Variants in PCDHGA5 observed in about 807,000 individuals in gnomAD.
PCDHGA5 encodes the protein protocadherin gamma-A5.
Under a neutral mutation model 56.7 loss-of-function variants are expected in PCDHGA5, and 36 were observed. That is an observed-to-expected ratio of 0.64 (90% CI 0.49 to 0.84). PCDHGA5 has a LOEUF of 0.84. PCDHGA5 is among the 40% of genes least tolerant of loss of function. The pLI is 0.00. For synonymous variants in PCDHGA5, 563 were observed against 520.2 expected (o/e 1.08, Z -1.12); for missense variants, 1,305 against 1,201.5 (o/e 1.09, Z -1.27).
At chr5:141,492,265 G>C (rs1363279754) in intron 1 of PCDHGA5, among the ~76,000 whole-genome samples, 1 of 152,180 alleles carries the variant, frequency 6.6e-6, no homozygotes, top group Non-Finnish European at 1.5e-5. Flanking sequence ...CAAGTTGCAC[G>C]GGCTCGCCAC....
At chr5:141,434,693 T>C (rs2097710124) in intron 1 of PCDHGA5, among the ~76,000 whole-genome samples, 1 of 152,034 alleles carries the variant, frequency 6.6e-6, no homozygotes, top group Non-Finnish European at 1.5e-5. Context: ...TTGCTGTTAA[T>C]AAATATGTGG....
At chr5:141,417,712 C>T in intron 1 of PCDHGA5, 1 of 1,270,436 alleles carries the variant, frequency 7.9e-7, no homozygotes, top group Non-Finnish European at 1.1e-6. Context: ...ACAGAGGCTC[C>T]CGGCTGCGCA....
chr5:141,475,867 G>A (rs2099377217), intron 1 of PCDHGA5: 1 of 504,884 alleles, frequency 2.0e-6, no homozygotes, highest in Non-Finnish European at 3.5e-6. Flanking sequence ...CTCATTCTTC[G>A]TGCAGTTATT....
intron 1 of PCDHGA5, chr5:141,423,956 A>G: frequency 1.7e-6 from 2 of 1,182,724 alleles, no homozygotes; most frequent in Non-Finnish European, 2.1e-6. Flanking sequence ...TTTTAGTATT[A>G]TTTTTCTATT....
chr5:141,473,857 G>A (rs981688765), intron 1 of PCDHGA5, among the ~76,000 whole-genome samples: 1 of 152,164 alleles, frequency 6.6e-6, no homozygotes, highest in Non-Finnish European at 1.5e-5. Context: ...GATGAACCTC[G>A]CTATTGTGGA....
At chr5:141,482,235 T>C (rs2099554999) in intron 1 of PCDHGA5, among the ~76,000 whole-genome samples, 1 of 152,174 alleles carries the variant, frequency 6.6e-6, no homozygotes, top group Non-Finnish European at 1.5e-5. Context: ...AAATTGCCAA[T>C]ATAAGTATAG....
chr5:141,485,609 G>T lies in PCDHGA5; in HGVS notation c.2422-9198G>T. On this transcript the variant is annotated intron_variant, in intron 1 of 3. Coordinates refer to ENST00000518069, the MANE Select transcript of PCDHGA5 (RefSeq NM_018918.3). The surrounding 1 kb of genome is among the most constrained non-coding windows in gnomAD (Gnocchi z 5.7). ...GCTGGACTTGGAAATTGGGGAGGCA[G>T]CTCCTCCAGGACAGCGTTTCCCGTT... The T allele has an allele frequency of 6.2e-7, 1 of 1,612,256 alleles. No homozygotes were observed. Among genetic ancestry groups the T allele is most frequent in the Non-Finnish European group, 8.5e-7 (1 of 1,178,656 alleles).
intron 1 of PCDHGA5, chr5:141,403,315 A>G (rs1268267002): frequency 6.2e-7 from 1 of 1,613,974 alleles, no homozygotes; most frequent in Non-Finnish European, 8.5e-7. Flanking sequence ...GAATAGAAAT[A>G]GAAGTAACTG....
At chr5:141,403,704 T>C (rs1207597755) in intron 1 of PCDHGA5, 2 of 1,613,846 alleles carry the variant, frequency 1.2e-6, no homozygotes, top group East Asian at 4.5e-5. Context: ...CGAGTTAAAG[T>C]CCTTGAGAAC....
chr5:141,383,486 T>C, intron 1 of PCDHGA5: 1 of 1,613,372 alleles, frequency 6.2e-7, no homozygotes, highest in Non-Finnish European at 8.5e-7. Context: ...GAACTGGTGC[T>C]GGAGCGGGTG....
Position 141,476,104 on chromosome 5 carries a change from G to A in PCDHGA5, c.2422-18703G>A. 6.3e-7 allele frequency: 1 copy of A among 1,584,700 alleles called. No homozygotes were observed. Among genetic ancestry groups the A allele is most frequent in the Non-Finnish European group, 8.6e-7 (1 of 1,168,500 alleles). On this transcript the variant is annotated intron_variant, in intron 1 of 3. Coordinates refer to ENST00000518069, the MANE Select transcript of PCDHGA5 (RefSeq NM_018918.3). The surrounding 1 kb of genome is among the most constrained non-coding windows in gnomAD (Gnocchi z 7.6). ...GATCTGGACCCCGCTGAGAGGAACTGCTTTTGAGTGAGATGGTCCCAGAGG... is the reference window on the plus strand; with the variant it reads ...GATCTGGACCCCGCTGAGAGGAACTACTTTTGAGTGAGATGGTCCCAGAGG...
At position 141,393,141 on chromosome 5, in the gene PCDHGA5, G is replaced by A. The variant is rs371909748; in HGVS notation, c.2421+26390G>A. 20 of 1,613,182 alleles carry A rather than the reference G, an allele frequency of 1.2e-5. No homozygotes were observed. The African/African-American group carries it at 2.4e-4, about 19-fold the overall frequency. On this transcript the variant is annotated intron_variant, in intron 1 of 3. Coordinates refer to ENST00000518069, the MANE Select transcript of PCDHGA5 (RefSeq NM_018918.3). Reference sequence around the variant, plus strand: ...GTGTCTGATAAATATTAACACCCTGGTTGAGGATAAAGGAAAACTCTTTGG... The same window carrying A: ...GTGTCTGATAAATATTAACACCCTGATTGAGGATAAAGGAAAACTCTTTGG...
At chr5:141,445,767 T>C (rs2098476828) in intron 1 of PCDHGA5, among the ~76,000 whole-genome samples, 1 of 152,142 alleles carries the variant, frequency 6.6e-6, no homozygotes, top group African/African-American at 2.4e-5. Flanking sequence ...ACTCAAGCAA[T>C]TTAAAAGGGC....
At chr5:141,376,425 A>G in intron 1 of PCDHGA5, 7 of 1,614,182 alleles carry the variant, frequency 4.3e-6, no homozygotes, top group Non-Finnish European at 4.2e-6. Context: ...ACGCTTATCA[A>G]CCAGGAGAGC....
At chr5:141,410,776 A>G (rs2095422946) in intron 1 of PCDHGA5, 7 of 919,622 alleles carry the variant, frequency 7.6e-6, no homozygotes, top group South Asian at 4.0e-5. Context: ...AGTTTTCACT[A>G]TGTATTTGGT....
At position 141,476,580 on chromosome 5, in the gene PCDHGA5, C is replaced by T. The variant is rs1463314107; in HGVS notation, c.2422-18227C>T. 6 of 1,614,126 alleles carry T rather than the reference C, an allele frequency of 3.7e-6. No homozygotes were observed. Among genetic ancestry groups the T allele is most frequent in the Non-Finnish European group, 5.1e-6 (6 of 1,180,052 alleles). The stretch of plus-strand genomic sequence containing the variant: ...GCCGTGGCTCCGGGGACGCGCTTTC[C>T]GCTCGAGAGCGCGCACGATCCCGAT... On this transcript the variant is annotated intron_variant, in intron 1 of 3. Transcript: ENST00000518069. This position sits in a 1 kb window ranked among gnomAD's most constrained non-coding sequence, Gnocchi z 7.6.
chr5:141,371,997 C>T (rs772765707), intron 1 of PCDHGA5: 3 of 1,613,232 alleles, frequency 1.9e-6, no homozygotes, highest in East Asian at 2.2e-5. Context: ...TCTGCAGGCC[C>T]GCGACCAGGG....
chr5:141,431,256 C>T lies in PCDHGA5; in HGVS notation c.2422-63551C>T. The stretch of plus-strand genomic sequence containing the variant: ...TGGGATCCGGATATCGGGAAGAACT[C>T]TCTGCAGAGCTACGAGCTCAGCCCG... On this transcript the variant is annotated intron_variant, in intron 1 of 3. Transcript: ENST00000518069. This position sits in a 1 kb window ranked among gnomAD's most constrained non-coding sequence, Gnocchi z 4.8. The T allele has an allele frequency of 6.2e-7, 1 of 1,614,194 alleles. No homozygotes were observed. Among genetic ancestry groups the T allele is most frequent in the South Asian group, 1.1e-5 (1 of 91,088 alleles).
chr5:141,376,197 T>G, intron 1 of PCDHGA5: 1 of 1,614,174 alleles, frequency 6.2e-7, no homozygotes, highest in Non-Finnish European at 8.5e-7. Flanking sequence ...TGCGTCTTCC[T>G]GGCCTTCGTC....
Sources: allele counts gnomAD v4.1 joint callset (sites outside exome capture counted in the v4.1 genomes callset), GRCh38; gene constraint gnomAD v4.1.1; non-coding constraint Gnocchi (gnomAD v3.1); transcripts MANE v1.5; gene names NCBI Gene and HGNC (gene_info 2026-07-23, HGNC 2026-07-21).